Variants in AGXT2 observed in about 807,000 individuals in gnomAD.
The protein encoded by AGXT2 is alanine--glyoxylate aminotransferase 2.
In AGXT2, 61 loss-of-function variants were observed where a neutral mutation model predicts 62.5. That is an observed-to-expected ratio of 0.98 (90% confidence interval 0.79 to 1.21). The LOEUF is 1.21. Among genes scored for constraint, AGXT2 ranks in the 50% most tolerant of loss-of-function variants. The probability of loss-of-function intolerance (pLI) is 0.00; values close to 1 mark genes in which losing one functional copy is unlikely to be tolerated. For synonymous variants in AGXT2, 243 were observed against 218.7 expected, an observed-to-expected ratio of 1.11 and a Z score of -0.98; for missense variants, 666 against 641.5, an observed-to-expected ratio of 1.04 and a Z score of -0.41.
intron 7 of AGXT2, among the ~76,000 whole-genome samples, chr5:35,031,011 T>C (rs917630810): frequency 5.3e-5 from 8 of 152,192 alleles, no homozygotes; most frequent in African/African-American, 1.9e-4. Flanking sequence ...AAGCAAAAGG[T>C]GAAGCTTTTG....
At chr5:35,047,696 A>T in intron 1 of AGXT2, 109 bp downstream of exon 1, 1 of 1,415,910 alleles carries the variant, frequency 7.1e-7, no homozygotes, top group Non-Finnish European at 9.6e-7. Context: ...CATCTCTAAG[A>T]CCTCACCCAG....
At chr5:35,006,795 G>A (rs1766442368) in intron 12 of AGXT2, among the ~76,000 whole-genome samples, 2 of 152,196 alleles carry the variant, frequency 1.3e-5, no homozygotes, top group South Asian at 2.1e-4. Flanking sequence ...TATCCTGGGT[G>A]ATGCTGGACA....
At chr5:34,999,777 C>G (rs1766159451) in intron 13 of AGXT2, among the ~76,000 whole-genome samples, 1 of 152,112 alleles carries the variant, frequency 6.6e-6, no homozygotes. Context: ...AACTTGTTTG[C>G]TCTCACATCC....
At chr5:35,012,589 AAAGG>A (rs565960968) in intron 11 of AGXT2, 2 of 316,428 alleles carry the variant, frequency 6.3e-6, no homozygotes, top group South Asian at 6.1e-5. Context: ...TAGTACAACA[AAAGG>A]AAGGAAGAAA....
chr5:35,047,181 G>A (rs896989086), intron 1 of AGXT2, among the ~76,000 whole-genome samples: 13 of 152,248 alleles, frequency 8.5e-5, no homozygotes, highest in African/African-American at 3.1e-4. Context: ...GCTTAGGCCT[G>A]CAATCCGAGC....
chr5:35,037,418 G>C (rs1223576113), intron 3 of AGXT2, among the ~76,000 whole-genome samples: 1 of 152,200 alleles, frequency 6.6e-6, no homozygotes, highest in Non-Finnish European at 1.5e-5. Context: ...GAGATGACTA[G>C]TTGTAAGCCT....
chr5:35,039,402 C>T lies in AGXT2; in HGVS notation c.284G>A (p.Trp95Ter). Reference sequence around the variant, plus strand: ...TCTGCTTCCTTCAGCATCAAAGAGCCACTCCATGTGCCCCTGGTGGAGCAG... The same window carrying T: ...TCTGCTTCCTTCAGCATCAAAGAGCTACTCCATGTGCCCCTGGTGGAGCAG... ...PLLLHQGHME[W>*]LFDAEGSRYL... The change falls in exon 3 of 14, where the codon TGG (tryptophan) becomes TAG (stop). Residue 95 changes from tryptophan (W) to a stop codon, truncating the protein, a stop_gained. Coordinates refer to ENST00000231420, the MANE Select transcript of AGXT2 (RefSeq NM_031900.4). LOFTEE classifies it high-confidence loss of function. The T allele has an allele frequency of 1.9e-6, 3 of 1,614,140 alleles. No individual in the cohort carries two copies. The highest frequency in any genetic ancestry group is 2.5e-6 in the Non-Finnish European group (3 of 1,179,992).
intron 5 of AGXT2, among the ~76,000 whole-genome samples, chr5:35,034,158 T>G (rs1767681814): frequency 6.6e-6 from 1 of 152,080 alleles, no homozygotes; most frequent in East Asian, 1.9e-4. Context: ...AAAGAATGGT[T>G]GTATTAGGTT....
chr5:35,010,615 G>A (rs749607943), intron 11 of AGXT2, among the ~76,000 whole-genome samples: 4 of 152,160 alleles, frequency 2.6e-5, no homozygotes, highest in Admixed American at 2.6e-4. Flanking sequence ...AATCCGGGAG[G>A]AGGAGGTTGC....
At chr5:35,004,043 G>A (rs1314231203) in intron 12 of AGXT2, among the ~76,000 whole-genome samples, 182 bp from the exon 13 acceptor site, 1 of 152,072 alleles carries the variant, frequency 6.6e-6, no homozygotes, top group African/African-American at 2.4e-5. Context: ...TGCTGAACCA[G>A]ATTTTTGGAG....
intron 7 of AGXT2, among the ~76,000 whole-genome samples, chr5:35,028,168 C>T (rs1364199747): frequency 2.6e-5 from 4 of 151,938 alleles, no homozygotes; most frequent in Non-Finnish European, 4.4e-5. Flanking sequence ...GCTGCAGTGC[C>T]GTAATGATCT....
rs142477598 is a variant in AGXT2, at chr5:35,026,786, C to T, written c.770-276G>A. ...CAGTTCTTTCCATCTGGGGAAGAAA[C>T]GTCCCAAAGTGTCATTGAGCTGGTA... On this transcript the variant is annotated intron_variant, in intron 7 of 13. Coordinates refer to ENST00000231420, the MANE Select transcript of AGXT2 (RefSeq NM_031900.4). 3.2e-5 allele frequency: 30 copies of T among 951,566 alleles called. No homozygotes were observed. In the East Asian group the frequency reaches 5.8e-4, roughly 18 times the overall value. 58.9% of individuals were successfully genotyped at this position (951,566 alleles called of 1,614,324 possible). A position where few individuals can be genotyped will look rare whatever the true frequency, so the allele number is the denominator to read the frequency against.
rs1768157211 is a variant in AGXT2 at position 35,045,597 on chromosome 5, TAA to T, written c.88+2206_88+2207del. Among the ~76,000 whole-genome samples, 6 of 152,088 alleles carry T rather than the reference TAA, an allele frequency of 3.9e-5. No individual in the cohort carries two copies. The South Asian group carries it at 1.2e-3, about 32-fold the overall frequency. ...TATATTGCACATGGCAGGTGCTCAA[TAA>T]ATGTATGTTAGTGAGTGTGTGTTTG... On this transcript the variant is annotated intron_variant, in intron 1 of 13. Transcript: ENST00000231420.
intron 11 of AGXT2, chr5:35,012,732 G>T (rs1048650454): frequency 1.1e-4 from 62 of 557,920 alleles, no homozygotes; most frequent in Non-Finnish European, 1.4e-4. Context: ...TGTATGTGAG[G>T]TTTATTATAT....
chr5:35,047,919 A>G lies in AGXT2; in HGVS notation c.-27T>C. 6.2e-7 allele frequency: 1 copy of G among 1,613,436 alleles called. No homozygotes were observed. The highest frequency in any genetic ancestry group is 8.5e-7 in the Non-Finnish European group (1 of 1,179,664). ...TCTCCCACTCAGAAAGCCAACCCCC[A>G]TGGAAGCAGATTGGAGGCCGGGCTC... On this transcript the variant is annotated 5_prime_UTR_variant, in exon 1 of 14. It removes an upstream start codon present in the reference 5' UTR. Transcript: ENST00000231420.
intron 10 of AGXT2, 34 bp from the exon 11 acceptor site, chr5:35,013,079 G>T: frequency 6.6e-7 from 1 of 1,519,974 alleles, no homozygotes; most frequent in Non-Finnish European, 8.9e-7. Context: ...TGGAAAGAGG[G>T]ACACATTCCT....
intron 13 of AGXT2, among the ~76,000 whole-genome samples, chr5:35,002,651 G>T (rs1766272643): frequency 1.3e-5 from 2 of 152,180 alleles, no homozygotes; most frequent in African/African-American, 4.8e-5. Context: ...CTTAGAAAGA[G>T]CGCCCTCACC....
chr5:35,020,243 T>C (rs1767015559), intron 9 of AGXT2, among the ~76,000 whole-genome samples: 1 of 152,176 alleles, frequency 6.6e-6, no homozygotes, highest in South Asian at 2.1e-4. Context: ...ATCATCCTGA[T>C]ACCAAAGCCG....
chr5:35,016,760 A>G (rs533363997), intron 9 of AGXT2, among the ~76,000 whole-genome samples: 2 of 152,344 alleles, frequency 1.3e-5, no homozygotes, highest in South Asian at 2.1e-4. Context: ...TTACAAATGC[A>G]TGGAATTATG....
Sources: allele counts gnomAD v4.1 joint callset (sites outside exome capture counted in the v4.1 genomes callset), GRCh38; gene constraint gnomAD v4.1.1; transcripts MANE v1.5; gene names NCBI Gene and HGNC (gene_info 2026-07-23, HGNC 2026-07-21).